Variants in DRD2 observed in about 807,000 individuals in gnomAD.
The protein encoded by DRD2 is D(2) dopamine receptor.
Under a neutral mutation model 38.0 loss-of-function variants are expected in DRD2, and 8 were observed. The ratio of observed to expected loss-of-function variants is 0.21; its 90% CI spans 0.12 to 0.38. The LOEUF is 0.38. Among genes scored for constraint, DRD2 ranks in the 10% least tolerant of loss-of-function variants. DRD2 has a pLI of 1.00. For synonymous variants in DRD2, 230 were observed against 238.6 expected (o/e 0.96, Z 0.33); for missense variants, 403 against 607.7 (o/e 0.66, Z 3.54).
intron 1 of DRD2, among the ~76,000 whole-genome samples, chr11:113,451,658 T>A (rs1951210964): frequency 6.6e-6 from 1 of 151,918 alleles, no homozygotes. Flanking sequence ...GCCCGGCTAA[T>A]TTTGTATTTT....
chr11:113,428,310 C>A (rs1161317808), intron 1 of DRD2, among the ~76,000 whole-genome samples: 1 of 152,222 alleles, frequency 6.6e-6, no homozygotes, highest in Non-Finnish European at 1.5e-5. Flanking sequence ...CCCCACAGGG[C>A]ACCCTGCCAG....
chr11:113,410,513 G>C lies in DRD2; in HGVS notation c.*214C>G. The C allele has an allele frequency of 1.5e-6, 1 of 667,068 alleles. No individual in the cohort carries two copies. Among genetic ancestry groups the C allele is most frequent in the Non-Finnish European group, 2.6e-6 (1 of 379,688 alleles). 41.3% of individuals were successfully genotyped at this position (667,068 alleles called of 1,614,324 possible). On this transcript the variant is annotated 3_prime_UTR_variant, in exon 8 of 8. Coordinates refer to ENST00000362072, the MANE Select transcript of DRD2 (RefSeq NM_000795.4). ...CCTGAGCTGGGGGGCCCAGCCCCAGGGCTGGTACCATGCCCAGCTCACTAG... is the reference window on the plus strand; with the variant it reads ...CCTGAGCTGGGGGGCCCAGCCCCAGCGCTGGTACCATGCCCAGCTCACTAG...
chr11:113,439,665 C>G lies in DRD2; in HGVS notation c.-31-14983G>C, dbSNP rs181953848. On this transcript the variant is annotated intron_variant, in intron 1 of 7. Transcript: ENST00000362072. ...GACCAGCCTGGCCAACATGGTGAAG[C>G]CCCATCTCTACTAAAAATACAAAAA... is the stretch of plus-strand genomic sequence containing the variant. Among the ~76,000 whole-genome samples, 32 of 151,340 alleles carry G rather than the reference C, an allele frequency of 2.1e-4. No homozygotes were observed. The East Asian group carries it at 5.9e-3, about 28-fold the overall frequency.
chr11:113,438,621 G>C (rs1951059899), intron 1 of DRD2, among the ~76,000 whole-genome samples: 2 of 152,168 alleles, frequency 1.3e-5, no homozygotes, highest in African/African-American at 4.8e-5. Flanking sequence ...TAAAATATCA[G>C]GGCACCTGGC....
chr11:113,466,590 G>C (rs1454167195), intron 1 of DRD2, among the ~76,000 whole-genome samples: 1 of 152,182 alleles, frequency 6.6e-6, no homozygotes, highest in Admixed American at 6.5e-5. Flanking sequence ...GGATGAAAGA[G>C]AGAAGGCATG....
intron 2 of DRD2, among the ~76,000 whole-genome samples, chr11:113,423,234 T>C (rs1950902973): frequency 6.6e-6 from 1 of 152,202 alleles, no homozygotes. Flanking sequence ...GAAAGGCAAC[T>C]TCTCCAAAGC....
At chr11:113,419,717 C>G (rs373416826) in intron 2 of DRD2, among the ~76,000 whole-genome samples, 1 of 152,162 alleles carries the variant, frequency 6.6e-6, no homozygotes, top group East Asian at 1.9e-4. Context: ...TTCGTGTCAC[C>G]GTGTAGCTTG....
intron 1 of DRD2, among the ~76,000 whole-genome samples, chr11:113,466,265 A>C (rs2119986687): frequency 6.6e-6 from 1 of 152,332 alleles, no homozygotes; most frequent in African/African-American, 2.4e-5. Context: ...GGGTATAATC[A>C]TGCTTATCTG....
At chr11:113,446,614 C>T (rs546781920) in intron 1 of DRD2, among the ~76,000 whole-genome samples, 1 of 152,300 alleles carries the variant, frequency 6.6e-6, no homozygotes, top group East Asian at 1.9e-4. Context: ...GGCAATGAGG[C>T]ACCCCCTACT....
chr11:113,472,283 C>T lies in DRD2; in HGVS notation c.-32+2793G>A, dbSNP rs141357989. On this transcript the variant is annotated intron_variant, in intron 1 of 7. Transcript: ENST00000362072. ...TTGCAGGGGAGATGGAAACCATTCT[C>T]TCCAGGCAGAGTCCCCACGTCTTTC... Among the ~76,000 whole-genome samples the T allele has an allele frequency of 8.5e-5, 13 of 152,362 alleles. No individual in the cohort carries two copies. In the East Asian group the frequency reaches 2.5e-3, roughly 29 times the overall value.
intron 5 of DRD2, 51 bp downstream of exon 5, chr11:113,415,370 G>A: frequency 6.4e-7 from 1 of 1,561,736 alleles, no homozygotes; most frequent in Non-Finnish European, 8.7e-7. Context: ...GAGCCCTCTT[G>A]GTAATGGTTA....
At chr11:113,441,235 C>A (rs950604006) in intron 1 of DRD2, among the ~76,000 whole-genome samples, 1 of 152,180 alleles carries the variant, frequency 6.6e-6, no homozygotes, top group African/African-American at 2.4e-5. Context: ...TGGAATCAAC[C>A]CATTCTGTTA....
chr11:113,422,255 ATCT>A (rs757591479), intron 2 of DRD2, among the ~76,000 whole-genome samples: 9 of 152,210 alleles, frequency 5.9e-5, no homozygotes, highest in Non-Finnish European at 1.0e-4. Context: ...GTCTATTGTC[ATCT>A]TCATCTTTAT....
At chr11:113,471,230 C>T (rs1361106754) in intron 1 of DRD2, among the ~76,000 whole-genome samples, 1 of 152,090 alleles carries the variant, frequency 6.6e-6, no homozygotes, top group Non-Finnish European at 1.5e-5. Context: ...CATTTAAGTA[C>T]AGAGGAAAGA....
At chr11:113,418,275 G>A in intron 2 of DRD2, 139 bp from the exon 3 acceptor site, 1 of 723,238 alleles carries the variant, frequency 1.4e-6, no homozygotes, top group Non-Finnish European at 2.5e-6. Flanking sequence ...GCTGGGGTGT[G>A]GGGAGTGATG....
chr11:113,453,658 C>T (rs1457403789), intron 1 of DRD2, among the ~76,000 whole-genome samples: 2 of 152,180 alleles, frequency 1.3e-5, no homozygotes, highest in Middle Eastern at 3.2e-3. Context: ...CAGGAGACCA[C>T]AGTGCAGGGA....
At chr11:113,418,254 G>C in intron 2 of DRD2, 118 bp from the exon 3 acceptor site, 1 of 814,716 alleles carries the variant, frequency 1.2e-6, no homozygotes, top group Non-Finnish European at 2.1e-6. Flanking sequence ...TGCAAGTCTT[G>C]TGGGCATCCA....
At chr11:113,447,546 G>C (rs1343527034) in intron 1 of DRD2, 1 of 151,946 alleles carries the variant, frequency 6.6e-6, no homozygotes, top group Admixed American at 6.6e-5. Flanking sequence ...GAGGATGCGA[G>C]CCAGCCAGCA....
intron 1 of DRD2, among the ~76,000 whole-genome samples, chr11:113,425,297 G>A (rs2138181516): frequency 6.6e-6 from 1 of 152,322 alleles, no homozygotes; most frequent in Admixed American, 6.5e-5. Context: ...ACAACTGAAG[G>A]ATGTGTAGGA....
Sources: gnomAD v4.1 joint callset for allele counts (sites outside exome capture counted in the v4.1 genomes callset) on GRCh38, gnomAD v4.1.1 for gene constraint, MANE v1.5 for transcripts, NCBI Gene and HGNC (gene_info 2026-07-23, HGNC 2026-07-21) for gene names.